The following DLG2 variants were observed in gnomAD, a reference collection of about 807,000 sequenced individuals.
DLG2 encodes the protein discs large MAGUK scaffold protein 2, also known as disks large homolog 2.
DLG2 carries 45 observed loss-of-function variants against 132.5 expected under a neutral mutation model. The observed-to-expected ratio is 0.34, with a 90% confidence interval of 0.27 to 0.44. DLG2 has a LOEUF of 0.44. Ranked by LOEUF, DLG2 falls within the 20% of genes least tolerant of loss-of-function variation. The pLI, the probability that DLG2 is intolerant of heterozygous loss-of-function variation, is 1.00. For missense variants in DLG2, 1,045 were observed against 1,196.9 expected (o/e 0.87, Z 1.87); for synonymous variants, 424 against 419.6 (o/e 1.01, Z -0.13).
chr11:83,918,572 G>T (rs1241664336), intron 15 of DLG2, among the ~76,000 whole-genome samples: 2 of 152,166 alleles, frequency 1.3e-5, no homozygotes, highest in African/African-American at 4.8e-5. Context: ...GCTGGGAAAA[G>T]TGCCTGAATT....
chr11:84,982,076 T>G (rs1398479668), intron 6 of DLG2, among the ~76,000 whole-genome samples: 1 of 152,226 alleles, frequency 6.6e-6, no homozygotes, highest in East Asian at 1.9e-4. Context: ...TTTAATCCTA[T>G]TTCTCTGGCT....
At chr11:85,514,669 T>G (rs953670110) in intron 3 of DLG2, among the ~76,000 whole-genome samples, 6 of 151,980 alleles carry the variant, frequency 3.9e-5, no homozygotes, top group Admixed American at 3.3e-4. Context: ...ATGCATTAGC[T>G]GTTTTGTTTT....
At chr11:85,199,566 A>G (rs2081300093) in intron 4 of DLG2, among the ~76,000 whole-genome samples, 1 of 152,188 alleles carries the variant, frequency 6.6e-6, no homozygotes, top group Admixed American at 6.5e-5. Context: ...GATATTCTAA[A>G]TATTAATTCT....
chr11:84,969,074 CAAAAA>C (rs375526999), intron 6 of DLG2, among the ~76,000 whole-genome samples: 1 of 111,740 alleles, frequency 8.9e-6, no homozygotes, highest in Non-Finnish European at 1.9e-5. Flanking sequence ...TCTTCACTTG[CAAAAA>C]AAAAAAAAAA....
chr11:85,577,985 A>G (rs945467878), intron 3 of DLG2, among the ~76,000 whole-genome samples: 1 of 152,204 alleles, frequency 6.6e-6, no homozygotes, highest in Admixed American at 6.5e-5. Context: ...ACCTGACTTC[A>G]AACTATACTA....
At position 85,121,600 on chromosome 11, in the gene DLG2, T is replaced by C. The variant is rs78733223; in HGVS notation, c.283-9865A>G. ...ATTTTAGAAATTTCAATTATGATCA[T>C]GATAATTTGGTTTATCATAGATGTG... On this transcript the variant is annotated intron_variant, in intron 5 of 27. Transcript: ENST00000376104. Among the ~76,000 whole-genome samples, 1,082 of 152,176 alleles carry C rather than the reference T, an allele frequency of 7.1e-3. 11 individuals carry two copies. The highest frequency in any genetic ancestry group is 0.014 in the Middle Eastern group (4 of 292).
intron 7 of DLG2, among the ~76,000 whole-genome samples, chr11:84,497,388 C>T (rs1463264895): frequency 6.6e-6 from 1 of 152,016 alleles, no homozygotes; most frequent in Non-Finnish European, 1.5e-5. Context: ...ACAACTGTAC[C>T]CTATGGACCC....
At chr11:85,515,584 A>G (rs751242901) in intron 3 of DLG2, among the ~76,000 whole-genome samples, 12 of 151,998 alleles carry the variant, frequency 7.9e-5, no homozygotes, top group Non-Finnish European at 1.5e-4. Context: ...TGATCAAAAT[A>G]ATATGGGTTA....
At chr11:84,880,622 T>G (rs1035107940) in intron 6 of DLG2, among the ~76,000 whole-genome samples, 1 of 152,156 alleles carries the variant, frequency 6.6e-6, no homozygotes, top group African/African-American at 2.4e-5. Context: ...ATATACCCTA[T>G]CTCCCATGTT....
At chr11:85,138,757 A>T (rs930074234) in intron 5 of DLG2, among the ~76,000 whole-genome samples, 1 of 150,176 alleles carries the variant, frequency 6.7e-6, no homozygotes, top group Admixed American at 6.6e-5. Context: ...TACTGTCACC[A>T]TGTAAGATGT....
chr11:85,361,903 T>G (rs745780579), intron 3 of DLG2, among the ~76,000 whole-genome samples: 1 of 152,218 alleles, frequency 6.6e-6, no homozygotes, highest in Non-Finnish European at 1.5e-5. Context: ...AGTGTGGTCA[T>G]TTTAAGATAC....
intron 6 of DLG2, among the ~76,000 whole-genome samples, chr11:84,748,151 A>G (rs563777261): frequency 6.6e-6 from 1 of 152,196 alleles, no homozygotes; most frequent in Non-Finnish European, 1.5e-5. Context: ...ATACCAGGAC[A>G]GGAAATCATG....
chr11:84,668,608 A>G (rs1428415180), intron 6 of DLG2, among the ~76,000 whole-genome samples: 3 of 152,172 alleles, frequency 2.0e-5, no homozygotes, highest in African/African-American at 7.2e-5. Flanking sequence ...CATAAAAATC[A>G]GCATTCTAAG....
intron 8 of DLG2, among the ~76,000 whole-genome samples, chr11:84,228,094 TCATCTGGTTG>T (rs2097032492): frequency 6.6e-6 from 1 of 152,156 alleles, no homozygotes; most frequent in South Asian, 2.1e-4. Context: ...AAACTCTGAC[TCATCTGGTTG>T]CATCACTGAC....
chr11:84,942,414 G>A (rs575860041), intron 6 of DLG2, among the ~76,000 whole-genome samples: 1 of 151,848 alleles, frequency 6.6e-6, no homozygotes, highest in Non-Finnish European at 1.5e-5. Context: ...ACAGATATTG[G>A]TATATTCTGT....
chr11:83,874,869 T>C (rs1273692202), intron 15 of DLG2, among the ~76,000 whole-genome samples: 1 of 152,176 alleles, frequency 6.6e-6, no homozygotes, highest in African/African-American at 2.4e-5. Context: ...ATATGTATTA[T>C]TCAAAAGTAA....
chr11:85,595,042 G>T (rs2079637336), intron 3 of DLG2, among the ~76,000 whole-genome samples: 1 of 139,154 alleles, frequency 7.2e-6, no homozygotes, highest in African/African-American at 2.7e-5. Flanking sequence ...TCCAGCCTGG[G>T]CAACAGAGTG....
chr11:85,342,794 A>C lies in DLG2; in HGVS notation c.41-57429T>G, dbSNP rs1596373575. 2.6e-5 allele frequency among the ~76,000 whole-genome samples: 4 copies of C among 152,334 alleles called. 1 individual carries two copies. The highest frequency in any genetic ancestry group is 6.8e-3 in the Middle Eastern group (2 of 294). ...TGTCACTAAATAACAGAAATTTTTC[A>C]GCTCCGTTATAATATTATGGGACCA... On this transcript the variant is annotated intron_variant, in intron 3 of 27. Coordinates refer to ENST00000376104, the MANE Select transcript of DLG2 (RefSeq NM_001142699.3).
At chr11:84,501,588 T>C (rs797000841) in intron 7 of DLG2, among the ~76,000 whole-genome samples, 9 of 152,182 alleles carry the variant, frequency 5.9e-5, no homozygotes, top group African/African-American at 2.2e-4. Context: ...AAAAAATTTA[T>C]TACCCATTAT....
Sources: gnomAD v4.1 joint callset for allele counts (sites outside exome capture counted in the v4.1 genomes callset) on GRCh38, gnomAD v4.1.1 for gene constraint, MANE v1.5 for transcripts, NCBI Gene and HGNC (gene_info 2026-07-23, HGNC 2026-07-21) for gene names.